WFDC10B: variants seen among roughly 807,000 people sequenced by gnomAD.
WFDC10B encodes WAP four-disulfide core domain 10B, also known as protein WFDC10B.
WFDC10B carries 1 observed loss-of-function variant against 2.7 expected under a neutral mutation model. The ratio of observed to expected loss-of-function variants is 0.38; its 90% CI spans 0.13 to 1.79. The LOEUF (loss-of-function observed/expected upper bound fraction) is 1.79, where lower values mean the gene tolerates loss of function less well. Among genes scored for constraint, WFDC10B ranks in the 40% most tolerant of loss-of-function variants. WFDC10B has a pLI of 0.33. For missense variants in WFDC10B, 71 were observed against 87.8 expected, an observed-to-expected ratio of 0.81 and a Z score of 0.76; for synonymous variants, 26 against 32.2, an observed-to-expected ratio of 0.81 and a Z score of 0.65.
intron 2 of WFDC10B, among the ~76,000 whole-genome samples, chr20:45,697,379 A>ATTTTTTTTT (rs869059383): frequency 1.8e-5 from 2 of 114,010 alleles, no homozygotes; most frequent in Non-Finnish European, 3.4e-5. Context: ...ACATCCCATC[A>ATTTTTTTTT]TTTTTTTTTT....
At chr20:45,690,486 G>A (rs1163186822) in intron 2 of WFDC10B, among the ~76,000 whole-genome samples, 1 of 151,356 alleles carries the variant, frequency 6.6e-6, no homozygotes, top group Non-Finnish European at 1.5e-5. Context: ...CTTTTTGGTT[G>A]GTAAGCTATT....
intron 2 of WFDC10B, among the ~76,000 whole-genome samples, chr20:45,690,638 G>A (rs1242270156): frequency 2.0e-5 from 3 of 152,050 alleles, no homozygotes; most frequent in African/African-American, 7.2e-5. Flanking sequence ...AGAGGTGTTT[G>A]TAGTATTATC....
At position 45,694,892 on chromosome 20, in the gene WFDC10B, TAAAC is replaced by T. The variant is rs915440499; in HGVS notation, c.-64-8840_-64-8837del. 7.5e-4 allele frequency among the ~76,000 whole-genome samples: 114 copies of T among 152,256 alleles called. 2 individuals carry two copies. Among genetic ancestry groups the T allele is most frequent in the African/African-American group, 2.7e-3 (113 of 41,560 alleles). ...GGAGTTGAAGCTCTATAAAAACTCT[TAAAC>T]AATAAGATTTGATGAGCTTCTGAAT... On this transcript the variant is annotated intron_variant, in intron 2 of 3. Transcript: ENST00000330523.
chr20:45,699,251 A>G (rs1984074020), intron 2 of WFDC10B, among the ~76,000 whole-genome samples: 1 of 152,218 alleles, frequency 6.6e-6, no homozygotes, highest in South Asian at 2.1e-4. Flanking sequence ...AAAGTTAAAC[A>G]TATGACCCAG....
chr20:45,689,654 G>T (rs1983742580), intron 2 of WFDC10B, among the ~76,000 whole-genome samples: 2 of 152,240 alleles, frequency 1.3e-5, no homozygotes, highest in Middle Eastern at 3.4e-3. Flanking sequence ...TCTGTTATTG[G>T]TGTATAAGAA....
chr20:45,696,749 A>C (rs892906867), intron 2 of WFDC10B, among the ~76,000 whole-genome samples: 3 of 152,224 alleles, frequency 2.0e-5, no homozygotes, highest in Admixed American at 6.5e-5. Context: ...AAGAGATAGA[A>C]TCAGTAATTT....
intron 2 of WFDC10B, among the ~76,000 whole-genome samples, chr20:45,687,208 C>G (rs1983648444): frequency 6.6e-6 from 1 of 152,092 alleles, no homozygotes; most frequent in South Asian, 2.1e-4. Context: ...TCCATGTATT[C>G]TCATTGTTCA....
At chr20:45,699,305 T>C (rs1027758818) in intron 2 of WFDC10B, among the ~76,000 whole-genome samples, 1 of 152,168 alleles carries the variant, frequency 6.6e-6, no homozygotes, top group Non-Finnish European at 1.5e-5. Context: ...TAAAAATATA[T>C]ACTCAAAAAA....
At position 45,686,016 on chromosome 20, in the gene WFDC10B, T is replaced by G; in HGVS notation, c.-24A>C. ...ATAACTCTGACCAGAGCGTGAGCCC[T>G]AAGTCTGGCCAGGCAGTCACAGACT... On this transcript the variant is annotated 5_prime_UTR_variant, in exon 3 of 4. Transcript: ENST00000330523. 1 of 1,611,818 alleles carries G rather than the reference T, an allele frequency of 6.2e-7. No homozygotes were observed. The highest frequency in any genetic ancestry group is 8.5e-7 in the Non-Finnish European group (1 of 1,179,012).
chr20:45,693,418 C>T (rs1983879570), intron 2 of WFDC10B, among the ~76,000 whole-genome samples: 2 of 152,206 alleles, frequency 1.3e-5, no homozygotes, highest in African/African-American at 4.8e-5. Flanking sequence ...TTGTCTGTGC[C>T]CTGCCCCCAG....
chr20:45,701,174 T>C (rs769714096), intron 2 of WFDC10B, among the ~76,000 whole-genome samples: 1 of 152,204 alleles, frequency 6.6e-6, no homozygotes, highest in Non-Finnish European at 1.5e-5. Flanking sequence ...CAAGCTTCAA[T>C]GAAATTGATG....
chr20:45,685,502 C>A (rs1983579599), intron 3 of WFDC10B, among the ~76,000 whole-genome samples: 1 of 152,038 alleles, frequency 6.6e-6, no homozygotes, highest in Non-Finnish European at 1.5e-5. Context: ...TCCTTTTTAC[C>A]CTACACTTAT....
At chr20:45,696,777 C>T (rs759785263) in intron 2 of WFDC10B, among the ~76,000 whole-genome samples, 9 of 152,094 alleles carry the variant, frequency 5.9e-5, no homozygotes, top group Non-Finnish European at 1.3e-4. Flanking sequence ...ATACACATGA[C>T]TCTCTTCAAC....
intron 2 of WFDC10B, among the ~76,000 whole-genome samples, chr20:45,700,286 T>C (rs1984113317): frequency 6.6e-6 from 1 of 152,130 alleles, no homozygotes; most frequent in Admixed American, 6.6e-5. Context: ...AGAGTTCAAG[T>C]AACTAATTAT....
chr20:45,686,632 C>G (rs1007654735), intron 2 of WFDC10B, among the ~76,000 whole-genome samples: 1 of 151,366 alleles, frequency 6.6e-6, no homozygotes, highest in Non-Finnish European at 1.5e-5. Context: ...TAGGAAGTGG[C>G]TATTTGCATA....
At chr20:45,687,942 T>C (rs1450468397) in intron 2 of WFDC10B, among the ~76,000 whole-genome samples, 5 of 149,788 alleles carry the variant, frequency 3.3e-5, no homozygotes, top group African/African-American at 7.4e-5. Flanking sequence ...GTTACATATG[T>C]ATACATGTGA....
intron 2 of WFDC10B, among the ~76,000 whole-genome samples, chr20:45,696,696 A>G (rs912244652): frequency 6.6e-6 from 1 of 152,188 alleles, no homozygotes; most frequent in East Asian, 1.9e-4. Context: ...ACCAAAACTG[A>G]CTTGAGAAGG....
intron 2 of WFDC10B, chr20:45,702,271 A>G: frequency 2.6e-6 from 4 of 1,510,618 alleles, no homozygotes; most frequent in Non-Finnish European, 9.1e-7. Context: ...AGAGGATCTG[A>G]GGGCTGACAG....
chr20:45,704,393 A>G (rs1984300589), intron 2 of WFDC10B, 104 bp downstream of exon 2: 1 of 1,573,432 alleles, frequency 6.4e-7, no homozygotes, highest in Non-Finnish European at 8.6e-7. Context: ...AGTTCTGAAC[A>G]TTACTCCAGC....
Sources: allele counts gnomAD v4.1 joint callset (sites outside exome capture counted in the v4.1 genomes callset), GRCh38; gene constraint gnomAD v4.1.1; transcripts MANE v1.5; gene names NCBI Gene and HGNC (gene_info 2026-07-23, HGNC 2026-07-21).